The following SLC35F1 variants were observed in gnomAD, a reference collection of about 807,000 sequenced individuals.
SLC35F1 encodes solute carrier family 35 member F1.
A neutral mutation model predicts 48.7 loss-of-function variants in SLC35F1; 14 were observed. The ratio of observed to expected loss-of-function variants is 0.29; its 90% CI spans 0.19 to 0.45. The LOEUF (loss-of-function observed/expected upper bound fraction) is 0.45, where lower values mean the gene tolerates loss of function less well. Among genes scored for constraint, SLC35F1 ranks in the 20% least tolerant of loss-of-function variants. SLC35F1 has a pLI of 1.00. For missense variants in SLC35F1, 404 were observed against 500.0 expected, an observed-to-expected ratio of 0.81 and a Z score of 1.83; for synonymous variants, 190 against 202.2, an observed-to-expected ratio of 0.94 and a Z score of 0.51.
intron 2 of SLC35F1, among the ~76,000 whole-genome samples, chr6:118,161,445 T>G (rs1378319766): frequency 6.6e-6 from 1 of 152,172 alleles, no homozygotes; most frequent in Non-Finnish European, 1.5e-5. Flanking sequence ...GTTATTAGCA[T>G]GTGGGCATAA....
chr6:117,914,909 A>T (rs970925105), intron 1 of SLC35F1, among the ~76,000 whole-genome samples: 25 of 147,598 alleles, frequency 1.7e-4, no homozygotes, highest in East Asian at 7.9e-4. Flanking sequence ...AAAAAATATT[A>T]AAAAAAAAAG....
intron 2 of SLC35F1, among the ~76,000 whole-genome samples, chr6:118,193,048 T>G (rs1774752314): frequency 6.6e-6 from 1 of 152,304 alleles, no homozygotes; most frequent in East Asian, 1.9e-4. Flanking sequence ...CCAAAAAATT[T>G]GTCTTTTATC....
intron 3 of SLC35F1, among the ~76,000 whole-genome samples, chr6:118,240,817 A>G (rs1436744157): frequency 6.6e-6 from 1 of 152,186 alleles, no homozygotes; most frequent in Non-Finnish European, 1.5e-5. Flanking sequence ...CATGGCAAGG[A>G]TGAGGTTCCG....
rs1437656907 is a variant in SLC35F1 at position 118,026,691 on chromosome 6, AGTT to A, written c.173+118793_173+118795del. Among the ~76,000 whole-genome samples the A allele has an allele frequency of 3.5e-4, 53 of 152,222 alleles. 1 individual carries two copies. Among genetic ancestry groups the A allele is most frequent in the Non-Finnish European group, 6.6e-4 (45 of 68,040 alleles). On this transcript the variant is annotated intron_variant, in intron 1 of 7. Transcript: ENST00000360388. ...AAGTGTCATTAAGCTGGTATTGAGAAGTTATTTTCAGCATGAAGACGGTTGAGA... is the reference window on the plus strand; with the variant it reads ...AAGTGTCATTAAGCTGGTATTGAGAAATTTTCAGCATGAAGACGGTTGAGA...
intron 4 of SLC35F1, among the ~76,000 whole-genome samples, chr6:118,271,160 A>G (rs1775846613): frequency 6.6e-6 from 1 of 152,180 alleles, no homozygotes. Context: ...ACTTTATTAT[A>G]TATTATTTCA....
chr6:118,151,666 C>A (rs1582696582), intron 1 of SLC35F1, among the ~76,000 whole-genome samples: 1 of 152,052 alleles, frequency 6.6e-6, no homozygotes, highest in East Asian at 1.9e-4. Flanking sequence ...CAGACATGCA[C>A]CACCACACCT....
chr6:118,243,413 G>C (rs1270138458), intron 3 of SLC35F1, among the ~76,000 whole-genome samples: 2 of 152,136 alleles, frequency 1.3e-5, no homozygotes, highest in African/African-American at 4.8e-5. Flanking sequence ...CAGGAGTTTG[G>C]GGAAAGCCTG....
intron 1 of SLC35F1, among the ~76,000 whole-genome samples, chr6:117,953,982 C>T (rs1025506443): frequency 3.1e-4 from 47 of 152,118 alleles, no homozygotes; most frequent in East Asian, 1.9e-4. Flanking sequence ...CCCAGGGTCC[C>T]GTGGATGAAG....
chr6:118,225,961 A>AC (rs34889941), intron 2 of SLC35F1, among the ~76,000 whole-genome samples: 141,500 of 151,596 alleles, frequency 0.93, 66,103 homozygotes, highest in East Asian at 0.98. Context: ...ATATTTGGAA[A>AC]TATTTATTTT....
chr6:118,046,240 A>G (rs549479541), intron 1 of SLC35F1, among the ~76,000 whole-genome samples: 32 of 152,166 alleles, frequency 2.1e-4, no homozygotes, highest in Non-Finnish European at 4.3e-4. Context: ...TCTGTCTTAG[A>G]TCTGCCCCTA....
chr6:117,923,506 T>TATACAC (rs142191100), intron 1 of SLC35F1, among the ~76,000 whole-genome samples: 13 of 144,142 alleles, frequency 9.0e-5, no homozygotes, highest in East Asian at 4.1e-4. Flanking sequence ...AATATATATA[T>TATACAC]ACACATACAT....
chr6:118,307,109 T>C (rs1463353775), intron 7 of SLC35F1, among the ~76,000 whole-genome samples: 5 of 150,404 alleles, frequency 3.3e-5, no homozygotes, highest in Non-Finnish European at 6.0e-5. Flanking sequence ...AACAACACAA[T>C]GCTTGGAGAA....
intron 1 of SLC35F1, among the ~76,000 whole-genome samples, chr6:118,151,309 T>G (rs1304155701): frequency 2.6e-5 from 4 of 152,186 alleles, no homozygotes; most frequent in Non-Finnish European, 4.4e-5. Context: ...ATCACTTTTA[T>G]GAGTATAACC....
intron 1 of SLC35F1, among the ~76,000 whole-genome samples, chr6:118,053,371 A>G (rs1165566467): frequency 6.6e-6 from 1 of 152,196 alleles, no homozygotes; most frequent in Non-Finnish European, 1.5e-5. Flanking sequence ...GAGATGAGTA[A>G]GACACACACC....
At chr6:118,033,980 G>T (rs912210789) in intron 1 of SLC35F1, among the ~76,000 whole-genome samples, 1 of 152,172 alleles carries the variant, frequency 6.6e-6, no homozygotes, top group South Asian at 2.1e-4. Flanking sequence ...TTAGTTAACA[G>T]GAGGCAGCAG....
At chr6:118,205,782 A>G (rs1774928069) in intron 2 of SLC35F1, among the ~76,000 whole-genome samples, 1 of 152,242 alleles carries the variant, frequency 6.6e-6, no homozygotes, top group African/African-American at 2.4e-5. Flanking sequence ...ATATTTACAT[A>G]TTATGGAATA....
chr6:118,174,962 A>G (rs1774465456), intron 2 of SLC35F1, among the ~76,000 whole-genome samples: 1 of 152,112 alleles, frequency 6.6e-6, no homozygotes, highest in African/African-American at 2.4e-5. Flanking sequence ...AGTGAAGACA[A>G]TTAAAAGTCA....
intron 3 of SLC35F1, among the ~76,000 whole-genome samples, chr6:118,263,355 C>T (rs1468499902): frequency 6.6e-6 from 1 of 152,070 alleles, no homozygotes; most frequent in African/African-American, 2.4e-5. Context: ...TGTGCCCGGC[C>T]GTGTCTATAA....
chr6:118,299,201 C>T (rs1252906376), intron 7 of SLC35F1, among the ~76,000 whole-genome samples: 2 of 152,184 alleles, frequency 1.3e-5, no homozygotes, highest in East Asian at 1.9e-4. Context: ...AACAATAAAA[C>T]CTTTTATTGG....
Sources: allele counts gnomAD v4.1 joint callset (sites outside exome capture counted in the v4.1 genomes callset), GRCh38; gene constraint gnomAD v4.1.1; transcripts MANE v1.5; gene names NCBI Gene and HGNC (gene_info 2026-07-23, HGNC 2026-07-21).